The following DMXL2 variants were observed in gnomAD, a reference collection of about 807,000 sequenced individuals.
The protein encoded by DMXL2 is dmX-like protein 2.
A neutral mutation model predicts 331.1 loss-of-function variants in DMXL2; 103 were observed. That is an observed-to-expected ratio of 0.31 (90% CI 0.27 to 0.37). The LOEUF is 0.37. DMXL2 is among the 10% of genes least tolerant of loss of function. The pLI is 1.00. For synonymous variants in DMXL2, 1,281 were observed against 1,252.1 expected (o/e 1.02, Z -0.49); for missense variants, 3,171 against 3,642.9 (o/e 0.87, Z 3.33).
At chr15:51,535,593 G>A in intron 13 of DMXL2, 70 bp downstream of exon 13, 1 of 1,431,066 alleles carries the variant, frequency 7.0e-7, no homozygotes, top group African/African-American at 1.4e-5. Flanking sequence ...ACAAACACAG[G>A]TCCTAGACAA....
chr15:51,616,310 T>C (rs2054281115), intron 1 of DMXL2, among the ~76,000 whole-genome samples: 1 of 151,732 alleles, frequency 6.6e-6, no homozygotes, highest in African/African-American at 2.4e-5. Context: ...GCCTCAGGAA[T>C]CATGAAATGA....
chr15:51,512,896 A>G (rs769716866), intron 15 of DMXL2, among the ~76,000 whole-genome samples: 1 of 152,080 alleles, frequency 6.6e-6, no homozygotes, highest in Non-Finnish European at 1.5e-5. Flanking sequence ...TCTTTAACCT[A>G]CATTATGGGA....
intron 2 of DMXL2, among the ~76,000 whole-genome samples, chr15:51,571,564 A>G (rs2050671476): frequency 6.6e-6 from 1 of 152,226 alleles, no homozygotes; most frequent in African/African-American, 2.4e-5. Context: ...ATGCAAAAGA[A>G]TGGAAATCAT....
intron 15 of DMXL2, among the ~76,000 whole-genome samples, chr15:51,508,204 A>C (rs74823504): frequency 0.012 from 1,757 of 152,250 alleles, 26 homozygotes; most frequent in East Asian, 0.025. Context: ...AAGGGGAAAG[A>C]ATTAGGAGAA....
At chr15:51,545,049 T>C (rs1256495014) in intron 8 of DMXL2, among the ~76,000 whole-genome samples, 1 of 152,078 alleles carries the variant, frequency 6.6e-6, no homozygotes, top group Non-Finnish European at 1.5e-5. Context: ...TCATACTGTA[T>C]TTAAAAATTA....
At chr15:51,488,782 C>A in intron 20 of DMXL2, 137 bp from the exon 21 acceptor site, 1 of 639,912 alleles carries the variant, frequency 1.6e-6, no homozygotes, top group East Asian at 2.9e-5. Flanking sequence ...GTTTCACAAT[C>A]TCCAGTAGGT....
intron 36 of DMXL2, chr15:51,458,170 C>T (rs985534496): frequency 1.1e-5 from 2 of 188,358 alleles, no homozygotes; most frequent in African/African-American, 2.4e-5. Context: ...AGAAACACTG[C>T]AAAATTACTC....
intron 6 of DMXL2, among the ~76,000 whole-genome samples, chr15:51,553,672 T>C (rs1458629298): frequency 1.3e-5 from 2 of 152,140 alleles, no homozygotes; most frequent in Non-Finnish European, 2.9e-5. Flanking sequence ...CTTATGACCA[T>C]CTACATCCAC....
chr15:51,571,753 A>G (rs887362795), intron 2 of DMXL2, among the ~76,000 whole-genome samples: 2 of 152,204 alleles, frequency 1.3e-5, no homozygotes, highest in Non-Finnish European at 2.9e-5. Flanking sequence ...ACAAAGACAC[A>G]ACATACCAGA....
chr15:51,480,770 C>T lies in DMXL2; in HGVS notation c.6336G>A (p.Gln2112=). 6.2e-7 allele frequency: 1 copy of T among 1,600,560 alleles called. No individual in the cohort carries two copies. Among genetic ancestry groups the T allele is most frequent in the Non-Finnish European group, 8.5e-7 (1 of 1,171,144 alleles). Residue 2112 remains glutamine (Q), a synonymous_variant, in exon 24 of 44, where the codon CAG becomes CAA. Coordinates refer to ENST00000560891, the MANE Select transcript of DMXL2 (RefSeq NM_001378457.1). ...YSKVESDLLD[Q]EEMVDKPDIG... ...TATCTGGTTTGTCTACCATTTCTTC[C>T]TGATCCAGCAGATCACTCTCTACTT...
intron 15 of DMXL2, 108 bp downstream of exon 15, chr15:51,514,334 G>T: frequency 1.5e-6 from 1 of 662,584 alleles, no homozygotes; most frequent in Non-Finnish European, 2.5e-6. Flanking sequence ...TGGTGAATCT[G>T]TCAAAAATTA....
At chr15:51,505,131 A>G (rs1169804997) in intron 16 of DMXL2, among the ~76,000 whole-genome samples, 2 of 152,188 alleles carry the variant, frequency 1.3e-5, no homozygotes, top group Non-Finnish European at 2.9e-5. Flanking sequence ...CAAAATTTAA[A>G]CCAATCATTT....
intron 33 of DMXL2, among the ~76,000 whole-genome samples, chr15:51,460,996 T>TA (rs1475631666): frequency 6.6e-6 from 1 of 152,250 alleles, no homozygotes; most frequent in Non-Finnish European, 1.5e-5. Flanking sequence ...TATGTTGGAC[T>TA]ATGCAGATAC....
At chr15:51,595,402 C>G (rs867372727) in intron 1 of DMXL2, among the ~76,000 whole-genome samples, 3 of 152,306 alleles carry the variant, frequency 2.0e-5, no homozygotes, top group East Asian at 3.8e-4. Flanking sequence ...CTACAAACCA[C>G]TGCTCAATGA....
chr15:51,576,371 G>C (rs1272431465), intron 1 of DMXL2, among the ~76,000 whole-genome samples, 190 bp from the exon 2 acceptor site: 1 of 151,920 alleles, frequency 6.6e-6, no homozygotes, highest in Non-Finnish European at 1.5e-5. Context: ...ATAAACTGAT[G>C]ACACTCCATG....
intron 6 of DMXL2, among the ~76,000 whole-genome samples, chr15:51,557,318 A>C (rs1184318091): frequency 6.6e-6 from 1 of 152,208 alleles, no homozygotes; most frequent in African/African-American, 2.4e-5. Context: ...CTAGGAATTA[A>C]TCCCAAAAGA....
chr15:51,482,024 GA>G (rs917305363), intron 23 of DMXL2, among the ~76,000 whole-genome samples: 35 of 151,866 alleles, frequency 2.3e-4, no homozygotes, highest in South Asian at 4.2e-4. Context: ...GCAAAACAGG[GA>G]AAAAAAGAGC....
intron 9 of DMXL2, among the ~76,000 whole-genome samples, chr15:51,540,332 C>G (rs189833321): frequency 6.6e-6 from 1 of 152,280 alleles, no homozygotes; most frequent in Non-Finnish European, 1.5e-5. Flanking sequence ...ATGTTCCTCA[C>G]ATGCAATAAC....
intron 1 of DMXL2, among the ~76,000 whole-genome samples, chr15:51,612,542 C>G (rs930141858): frequency 1.2e-4 from 19 of 152,038 alleles, no homozygotes; most frequent in Non-Finnish European, 2.1e-4. Flanking sequence ...GTGATGCCCC[C>G]CAAGCCGCAA....
Sources: allele counts gnomAD v4.1 joint callset (sites outside exome capture counted in the v4.1 genomes callset), GRCh38; gene constraint gnomAD v4.1.1; transcripts MANE v1.5; gene names NCBI Gene and HGNC (gene_info 2026-07-23, HGNC 2026-07-21).